Variants in PSTPIP1 observed in about 807,000 individuals in gnomAD.
The protein encoded by PSTPIP1 is proline-serine-threonine phosphatase interacting protein 1.
Under a neutral mutation model 69.6 loss-of-function variants are expected in PSTPIP1, and 66 were observed. The ratio of observed to expected loss-of-function variants is 0.95; its 90% CI spans 0.78 to 1.16. PSTPIP1 has a LOEUF of 1.16. PSTPIP1 is among the 50% of genes most tolerant of loss of function. PSTPIP1 has a pLI of 0.00. For synonymous variants in PSTPIP1, 266 were observed against 222.7 expected, an observed-to-expected ratio of 1.19 and a Z score of -1.73; for missense variants, 603 against 557.4, an observed-to-expected ratio of 1.08 and a Z score of -0.82.
intron 14 of PSTPIP1, among the ~76,000 whole-genome samples, chr15:77,036,143 A>C (rs1225496935): frequency 1.3e-5 from 2 of 152,176 alleles, no homozygotes; most frequent in Non-Finnish European, 2.9e-5. Flanking sequence ...CTCTGAGAAC[A>C]GCACCCAGGG....
rs528463432 is a variant in PSTPIP1, at chr15:77,021,044, G to A, written c.212+2513G>A. 2.6e-5 allele frequency among the ~76,000 whole-genome samples: 4 copies of A among 152,304 alleles called. No individual in the cohort carries two copies. In the South Asian group the frequency reaches 6.2e-4, roughly 24 times the overall value. On this transcript the variant is annotated intron_variant, in intron 3 of 14. Coordinates refer to ENST00000558012, the MANE Select transcript of PSTPIP1 (RefSeq NM_003978.5). ...GCTCATTCCCTGCCCCTTGCAGAAC[G>A]GGCAGGGGACTGGGGGATGGGAAGG...
intron 1 of PSTPIP1, among the ~76,000 whole-genome samples, chr15:77,000,278 C>T (rs971422469): frequency 1.3e-5 from 2 of 152,102 alleles, no homozygotes; most frequent in Non-Finnish European, 2.9e-5. Flanking sequence ...CTTTTCCCTT[C>T]CCAGTTCTGA....
At chr15:77,017,831 T>C (rs1248642805) in intron 1 of PSTPIP1, among the ~76,000 whole-genome samples, 1 of 152,228 alleles carries the variant, frequency 6.6e-6, no homozygotes, top group Non-Finnish European at 1.5e-5. Flanking sequence ...TCAGGGGGAC[T>C]TAAGGGTGGC....
At chr15:77,003,655 C>CAA (rs35480677) in intron 1 of PSTPIP1, among the ~76,000 whole-genome samples, 26 of 137,344 alleles carry the variant, frequency 1.9e-4, no homozygotes, top group Admixed American at 5.1e-4. Context: ...AACTCCGTCT[C>CAA]AAAAAAAAAA....
chr15:76,997,267 C>T (rs1046045050), intron 1 of PSTPIP1, among the ~76,000 whole-genome samples: 16 of 152,198 alleles, frequency 1.1e-4, no homozygotes, highest in East Asian at 3.8e-4. Context: ...GAGCCTGGGG[C>T]GGGCATATAG....
chr15:77,031,455 A>G (rs373477497), intron 10 of PSTPIP1, 177 bp downstream of exon 10: 8 of 571,694 alleles, frequency 1.4e-5, no homozygotes, highest in South Asian at 9.6e-5. Context: ...ACAGGAGCTC[A>G]GTACCACACA....
Position 77,015,852 on chromosome 15 carries a change from C to T in PSTPIP1, c.37-2296C>T, listed in dbSNP as rs997287851. ...CCAGTCCTTGTGACAGTAGCTCACT[C>T]GGCCACAGCCCCTGCCAGCAGCCCA... On this transcript the variant is annotated intron_variant, in intron 1 of 14. Coordinates refer to ENST00000558012, the MANE Select transcript of PSTPIP1 (RefSeq NM_003978.5). 18 of 449,052 alleles carry T rather than the reference C, an allele frequency of 4.0e-5. 1 individual carries two copies. Among genetic ancestry groups the T allele is most frequent in the African/African-American group, 2.4e-4 (12 of 49,984 alleles). The allele number at this position is 449,052 out of a possible 1,614,324, so 27.8% of individuals were successfully genotyped here.
Sources: gnomAD v4.1 joint callset for allele counts (sites outside exome capture counted in the v4.1 genomes callset) on GRCh38, gnomAD v4.1.1 for gene constraint, MANE v1.5 for transcripts, NCBI Gene and HGNC (gene_info 2026-07-23, HGNC 2026-07-21) for gene names.